Variants in FER1L6 observed in about 807,000 individuals in gnomAD.
FER1L6 encodes fer-1-like protein 6.
Under a neutral mutation model 219.2 loss-of-function variants are expected in FER1L6, and 177 were observed. The ratio of observed to expected loss-of-function variants is 0.81; its 90% confidence interval spans 0.71 to 0.91. FER1L6 has a LOEUF of 0.91. Ranked by LOEUF, FER1L6 falls within the 40% of genes least tolerant of loss-of-function variation. The pLI, the probability that FER1L6 is intolerant of heterozygous loss-of-function variation, is 0.00. For synonymous variants in FER1L6, 768 were observed against 824.3 expected, an observed-to-expected ratio of 0.93 and a Z score of 1.17; for missense variants, 2,153 against 2,259.9, an observed-to-expected ratio of 0.95 and a Z score of 0.96.
intron 38 of FER1L6, among the ~76,000 whole-genome samples, chr8:124,101,819 G>A (rs1053520793): frequency 2.6e-5 from 4 of 152,174 alleles, no homozygotes; most frequent in African/African-American, 9.7e-5. Context: ...AGGTCTTGAT[G>A]ACATGTGTCC....
rs187879728 is a variant in FER1L6 at position 124,064,930 on chromosome 8, A to G, written c.3555+357A>G. Among the ~76,000 whole-genome samples the G allele has an allele frequency of 2.0e-3, 312 of 152,356 alleles. 1 individual carries two copies. The highest frequency in any genetic ancestry group is 7.2e-3 in the African/African-American group (299 of 41,578). On this transcript the variant is annotated intron_variant, in intron 26 of 40. Coordinates refer to ENST00000522917, the MANE Select transcript of FER1L6 (RefSeq NM_001039112.2). ...AGATCATATGGGACCAAGAAGATGC[A>G]TCTTTTGGATTCCAAAGAGGAGGAA...
At chr8:124,023,352 T>A (rs562396911) in intron 17 of FER1L6, 92 bp from the exon 18 acceptor site, 1 of 1,265,316 alleles carries the variant, frequency 7.9e-7, no homozygotes, top group Non-Finnish European at 1.1e-6. Context: ...GAGGGAATAT[T>A]TCAGGATAGC....
chr8:123,858,303 C>A (rs1816684074), intron 1 of FER1L6, among the ~76,000 whole-genome samples: 1 of 152,172 alleles, frequency 6.6e-6, no homozygotes, highest in Non-Finnish European at 1.5e-5. Context: ...AGAATATTAT[C>A]TATTCTCTTA....
intron 12 of FER1L6, among the ~76,000 whole-genome samples, chr8:123,986,384 G>A (rs1219215271): frequency 6.6e-6 from 1 of 151,786 alleles, no homozygotes; most frequent in African/African-American, 2.4e-5. Flanking sequence ...AAGTTTTGTG[G>A]GTACACAGTA....
intron 24 of FER1L6, 69 bp from the exon 25 acceptor site, chr8:124,061,783 C>A: frequency 6.7e-7 from 1 of 1,489,010 alleles, no homozygotes; most frequent in Non-Finnish European, 9.3e-7. Flanking sequence ...GACTGGATGC[C>A]CAGCTGGCTT....
At chr8:124,065,193 A>G (rs1297902623) in intron 26 of FER1L6, among the ~76,000 whole-genome samples, 1 of 151,974 alleles carries the variant, frequency 6.6e-6, no homozygotes, top group Non-Finnish European at 1.5e-5. Flanking sequence ...CAGGAGTTCA[A>G]GACCAGCCTG....
Position 124,082,288 on chromosome 8 carries a change from G to T in FER1L6, c.4221G>T (p.Arg1407Ser), listed in dbSNP as rs10956162. The change falls in exon 33 of 41, where the codon AGG (arginine) becomes AGT (serine). Residue 1407 changes from arginine (R) to serine (S), a missense_variant and splice_region_variant. Arg to Ser is a moderately radical substitution (Grantham distance 110). Coordinates refer to ENST00000522917, the MANE Select transcript of FER1L6 (RefSeq NM_001039112.2). The part of the protein sequence containing the change: ...IPKQLNPVFG[R>S]SFEIQATFPK... ...CTTGAAGTCTCTGCTTGGACCGCAGGTCATTTGAGATCCAAGCCACATTCC... is the reference window on the plus strand; with the variant it reads ...CTTGAAGTCTCTGCTTGGACCGCAGTTCATTTGAGATCCAAGCCACATTCC... 1.4e-5 allele frequency: 23 copies of T among 1,612,074 alleles called. No individual in the cohort carries two copies. The highest frequency in any genetic ancestry group is 2.0e-5 in the Non-Finnish European group (23 of 1,178,968).
chr8:124,003,128 C>T (rs1817491471), intron 12 of FER1L6, 39 bp from the exon 13 acceptor site: 2 of 1,575,866 alleles, frequency 1.3e-6, no homozygotes, highest in Admixed American at 1.7e-5. Flanking sequence ...TTCTGATTAC[C>T]ACCACCTGAC....
At chr8:123,888,205 C>A (rs908433383) in intron 1 of FER1L6, among the ~76,000 whole-genome samples, 1 of 152,042 alleles carries the variant, frequency 6.6e-6, no homozygotes, top group Non-Finnish European at 1.5e-5. Flanking sequence ...CAATCTCCAC[C>A]TCCTGGGTTC....
intron 19 of FER1L6, among the ~76,000 whole-genome samples, chr8:124,036,784 C>A (rs1008345224): frequency 6.6e-6 from 1 of 152,196 alleles, no homozygotes; most frequent in African/African-American, 2.4e-5. Context: ...GCTTTCTGAT[C>A]CTCTGCAGTG....
chr8:123,901,831 G>C (rs762090009), intron 1 of FER1L6, among the ~76,000 whole-genome samples: 10 of 151,656 alleles, frequency 6.6e-5, no homozygotes, highest in Non-Finnish European at 1.2e-4. Context: ...CCATTCTCCT[G>C]CCTCAGCCTC....
intron 21 of FER1L6, among the ~76,000 whole-genome samples, chr8:124,049,118 G>A (rs1819875647): frequency 6.6e-6 from 1 of 151,762 alleles, no homozygotes; most frequent in Non-Finnish European, 1.5e-5. Context: ...TGCGATCTCG[G>A]CTTACTGCAA....
chr8:124,046,756 A>C (rs1311777465), intron 21 of FER1L6: 2 of 152,254 alleles, frequency 1.3e-5, no homozygotes, highest in Non-Finnish European at 2.9e-5. Context: ...CTTGGAGACC[A>C]TGAAGTTCCC....
chr8:123,969,353 T>C (rs908109741), intron 5 of FER1L6, among the ~76,000 whole-genome samples: 5 of 152,088 alleles, frequency 3.3e-5, no homozygotes, highest in African/African-American at 7.2e-5. Flanking sequence ...AACTGAAAAA[T>C]CCTGGGAAAA....
intron 6 of FER1L6, among the ~76,000 whole-genome samples, chr8:123,971,689 A>G (rs1815822316): frequency 6.6e-6 from 1 of 152,268 alleles, no homozygotes; most frequent in South Asian, 2.1e-4. Flanking sequence ...CTTTTCTGTT[A>G]GTCCATGAAC....
chr8:123,929,088 G>C (rs143820321), intron 1 of FER1L6, among the ~76,000 whole-genome samples: 177 of 152,318 alleles, frequency 1.2e-3, no homozygotes, highest in African/African-American at 4.1e-3. Flanking sequence ...GTCCTGACTA[G>C]AGGTCCTCTA....
rs376799002 is a variant in FER1L6, at chr8:124,081,864, T to A, written c.4221-424T>A. On this transcript the variant is annotated intron_variant, in intron 32 of 40. Coordinates refer to ENST00000522917, the MANE Select transcript of FER1L6 (RefSeq NM_001039112.2). ...GAAACAATATTGCATTTAAACCCCATGCTAAATTATAAAGAAGACATATAT... is the reference window on the plus strand; with the variant it reads ...GAAACAATATTGCATTTAAACCCCAAGCTAAATTATAAAGAAGACATATAT... 1.8e-4 allele frequency among the ~76,000 whole-genome samples: 27 copies of A among 152,300 alleles called. 3 individuals are homozygous for A. In the South Asian group the frequency reaches 5.6e-3, roughly 32 times the overall value.
chr8:123,859,026 A>G (rs1816697603), intron 1 of FER1L6, among the ~76,000 whole-genome samples: 1 of 151,576 alleles, frequency 6.6e-6, no homozygotes, highest in South Asian at 2.1e-4. Flanking sequence ...TTTGAGACGG[A>G]GTCTCATTCT....
intron 20 of FER1L6, 74 bp downstream of exon 20, chr8:124,040,080 A>C: frequency 6.3e-7 from 1 of 1,591,774 alleles, no homozygotes; most frequent in South Asian, 1.1e-5. Flanking sequence ...CCCAGGAAAG[A>C]AACAACGGGG....
Sources: allele counts gnomAD v4.1 joint callset (sites outside exome capture counted in the v4.1 genomes callset), GRCh38; gene constraint gnomAD v4.1.1; transcripts MANE v1.5; gene names NCBI Gene and HGNC (gene_info 2026-07-23, HGNC 2026-07-21).